The following FGF14 variants were observed in gnomAD, a reference collection of about 807,000 sequenced individuals.
FGF14 encodes the protein fibroblast growth factor homologous factor 4.
Under a neutral mutation model 25.5 loss-of-function variants are expected in FGF14, and 5 were observed. That is an observed-to-expected ratio of 0.20 (90% CI 0.10 to 0.41). FGF14 has a LOEUF of 0.41. FGF14 is among the 10% of genes least tolerant of loss of function. The pLI is 1.00. For synonymous variants in FGF14, 138 were observed against 118.3 expected (o/e 1.17, Z -1.08); for missense variants, 222 against 320.1 (o/e 0.69, Z 2.34).
At chr13:101,983,238 G>C (rs1198624074) in intron 1 of FGF14, among the ~76,000 whole-genome samples, 1 of 152,176 alleles carries the variant, frequency 6.6e-6, no homozygotes, top group Non-Finnish European at 1.5e-5. Context: ...TCCTGATAAA[G>C]CATTCAGGAT....
At chr13:102,274,775 G>A (rs1170808332) in intron 1 of FGF14, among the ~76,000 whole-genome samples, 2 of 151,860 alleles carry the variant, frequency 1.3e-5, no homozygotes, top group Non-Finnish European at 2.9e-5. Context: ...CCCATATTCT[G>A]GTTATGTCTG....
At chr13:101,887,120 T>C (rs1320055936) in intron 1 of FGF14, among the ~76,000 whole-genome samples, 1 of 151,994 alleles carries the variant, frequency 6.6e-6, no homozygotes, top group Non-Finnish European at 1.5e-5. Context: ...ACAGCCACTA[T>C]GGAAAACAGT....
At chr13:101,925,825 C>G (rs2034323993) in intron 1 of FGF14, among the ~76,000 whole-genome samples, 1 of 152,196 alleles carries the variant, frequency 6.6e-6, no homozygotes, top group South Asian at 2.1e-4. Flanking sequence ...CCAAATCAAT[C>G]TCACTGGATT....
At chr13:102,353,088 CA>C (rs1332405420) in intron 1 of FGF14, among the ~76,000 whole-genome samples, 1 of 152,018 alleles carries the variant, frequency 6.6e-6, no homozygotes, top group Non-Finnish European at 1.5e-5. Context: ...TGTCAAGTCA[CA>C]AGGAATTGAA....
chr13:102,190,207 T>C (rs2049067639), intron 1 of FGF14, among the ~76,000 whole-genome samples: 1 of 152,214 alleles, frequency 6.6e-6, no homozygotes, highest in Admixed American at 6.5e-5. Flanking sequence ...CTGGCTTGAA[T>C]TGGTTACATT....
intron 1 of FGF14, among the ~76,000 whole-genome samples, chr13:102,362,693 T>C (rs541382636): frequency 2.0e-5 from 3 of 152,308 alleles, no homozygotes; most frequent in African/African-American, 7.2e-5. Flanking sequence ...CATAAAATTA[T>C]GAGTTTAGTG....
At chr13:101,863,205 T>C (rs763863347) in intron 3 of FGF14, among the ~76,000 whole-genome samples, 5 of 152,114 alleles carry the variant, frequency 3.3e-5, no homozygotes, top group African/African-American at 4.8e-5. Flanking sequence ...TTCAGAGAGA[T>C]GAAGAATAAA....
At chr13:101,890,568 T>C (rs182988889) in intron 1 of FGF14, among the ~76,000 whole-genome samples, 3 of 152,018 alleles carry the variant, frequency 2.0e-5, no homozygotes, top group Non-Finnish European at 2.9e-5. Context: ...CAGCAGAAAA[T>C]AGGTTACAAC....
chr13:102,340,554 T>C (rs571770774), intron 1 of FGF14, among the ~76,000 whole-genome samples: 42 of 151,836 alleles, frequency 2.8e-4, no homozygotes, highest in Non-Finnish European at 5.1e-4. Flanking sequence ...AAAATATCTT[T>C]TACCATCAGA....
intron 1 of FGF14, among the ~76,000 whole-genome samples, chr13:102,130,989 A>G (rs1181948634): frequency 6.6e-6 from 1 of 152,258 alleles, no homozygotes. Context: ...CACCAAGTGA[A>G]TAAATGCATA....
At chr13:102,082,321 C>G (rs58720950) in intron 1 of FGF14, among the ~76,000 whole-genome samples, 2 of 151,014 alleles carry the variant, frequency 1.3e-5, no homozygotes, top group African/African-American at 4.9e-5. Context: ...AAAAAAAACT[C>G]TAAGCCATGT....
chr13:101,813,728 T>A (rs1450566716), intron 3 of FGF14, among the ~76,000 whole-genome samples: 2 of 152,238 alleles, frequency 1.3e-5, no homozygotes, highest in East Asian at 3.8e-4. Flanking sequence ...GAAACAGATG[T>A]ATTTAAAATT....
chr13:101,984,248 G>T (rs1312676464), intron 1 of FGF14, among the ~76,000 whole-genome samples: 1 of 151,888 alleles, frequency 6.6e-6, no homozygotes, highest in Non-Finnish European at 1.5e-5. Flanking sequence ...TTTTCATTTG[G>T]CACCTTCTCC....
chr13:102,155,072 T>G (rs1210466572), intron 1 of FGF14, among the ~76,000 whole-genome samples: 9 of 152,338 alleles, frequency 5.9e-5, no homozygotes, highest in African/African-American at 1.7e-4. Flanking sequence ...TGGGAGACTT[T>G]AACACCCCAC....
At chr13:102,392,148 AGAC>A (rs2058447140) in intron 1 of FGF14, among the ~76,000 whole-genome samples, 1 of 152,266 alleles carries the variant, frequency 6.6e-6, no homozygotes. Flanking sequence ...ATAATTGTGC[AGAC>A]AACAAAATGC....
At chr13:101,811,909 T>C (rs2041530822) in intron 3 of FGF14, among the ~76,000 whole-genome samples, 1 of 152,172 alleles carries the variant, frequency 6.6e-6, no homozygotes, top group African/African-American at 2.4e-5. Flanking sequence ...ATGTATAAAG[T>C]TGGAAGGTCT....
At chr13:101,985,040 C>T (rs948084881) in intron 1 of FGF14, among the ~76,000 whole-genome samples, 3 of 148,826 alleles carry the variant, frequency 2.0e-5, no homozygotes, top group Non-Finnish European at 4.5e-5. Flanking sequence ...TTGTCATGAG[C>T]GTATAAAGAC....
intron 3 of FGF14, among the ~76,000 whole-genome samples, chr13:101,764,429 G>T (rs893541902): frequency 5.3e-5 from 8 of 152,216 alleles, no homozygotes; most frequent in African/African-American, 1.9e-4. Context: ...CAGAGTGAAT[G>T]TGATGGAAAA....
rs537235037 is a variant in FGF14, at chr13:101,716,886, T to G, written c.*5945A>C. On this transcript the variant is annotated 3_prime_UTR_variant, in exon 5 of 5. Coordinates refer to ENST00000376143, the MANE Select transcript of FGF14 (RefSeq NM_004115.4). ...ATGTTTATTTTCTTAATGGTGAAAC[T>G]TTGCTTTGTATGAAATTCACATTGA... 1 of 152,136 alleles carries G rather than the reference T, an allele frequency of 6.6e-6. No homozygotes were observed. The highest frequency in any genetic ancestry group is 6.5e-5 in the Admixed American group (1 of 15,270). 9.4% of individuals were successfully genotyped at this position (152,136 alleles called of 1,614,324 possible). A position where few individuals can be genotyped will look rare whatever the true frequency, so the allele number is the denominator to read the frequency against.
Sources: gnomAD v4.1 joint callset for allele counts (sites outside exome capture counted in the v4.1 genomes callset) on GRCh38, gnomAD v4.1.1 for gene constraint, MANE v1.5 for transcripts, NCBI Gene and HGNC (gene_info 2026-07-23, HGNC 2026-07-21) for gene names.